Variants in FGF13 observed in about 807,000 individuals in gnomAD.
The protein encoded by FGF13 is fibroblast growth factor 13.
Under a neutral mutation model 19.5 loss-of-function variants are expected in FGF13, and 2 were observed. The observed-to-expected ratio is 0.10, with a 90% CI of 0.04 to 0.32. FGF13 has a LOEUF of 0.32. FGF13 is among the 10% of genes least tolerant of loss of function. The pLI, the probability that FGF13 is intolerant of heterozygous loss-of-function variation, is 1.00. For synonymous variants in FGF13, 72 were observed against 76.9 expected (o/e 0.94, Z 0.33); for missense variants, 113 against 192.7 (o/e 0.59, Z 2.45).
chrX:138,657,134 T>C (rs1290487610), intron 3 of FGF13, among the ~76,000 whole-genome samples: 1 of 111,638 alleles, frequency 9.0e-6, no homozygotes, highest in Non-Finnish European at 1.9e-5. Context: ...CCTTGTTCTT[T>C]AGGAATTATT....
intron 3 of FGF13, among the ~76,000 whole-genome samples, chrX:138,679,360 C>T (rs1307736192): frequency 1.8e-5 from 2 of 110,899 alleles, no homozygotes; most frequent in African/African-American, 6.6e-5. Context: ...GCTACAGGCA[C>T]GAGCCACCAC....
At chrX:138,661,565 C>T (rs941223637) in intron 3 of FGF13, among the ~76,000 whole-genome samples, 2 of 111,119 alleles carry the variant, frequency 1.8e-5, no homozygotes, top group Non-Finnish European at 3.8e-5. Context: ...CAGGAGACAC[C>T]ATGATTGTTT....
chrX:139,104,051 G>T lies in FGF13; in HGVS notation c.-113+99365C>A, dbSNP rs188105170. 3.5e-3 allele frequency among the ~76,000 whole-genome samples: 395 copies of T among 111,286 alleles called. 2 individuals carry two copies. The highest frequency in any genetic ancestry group is 0.012 in the African/African-American group (374 of 30,591). On this transcript the variant is annotated intron_variant, in intron 1 of 2. Transcript: ENST00000421460. ...TCAAGTTTCTCATCTGCAAAATGGC[G>T]GCAATGGTAGTATCTGCCTCATAGA... is the stretch of plus-strand genomic sequence containing the variant.
intron 1 of FGF13, among the ~76,000 whole-genome samples, chrX:138,928,105 G>C (rs190473594): frequency 6.0e-4 from 66 of 110,743 alleles, no homozygotes; most frequent in Non-Finnish European, 1.2e-3. Context: ...GTATAGTATT[G>C]TAATCATTTT....
intron 1 of FGF13, among the ~76,000 whole-genome samples, chrX:138,886,707 G>C (rs988173514): frequency 1.8e-5 from 2 of 111,888 alleles, no homozygotes; most frequent in Admixed American, 1.9e-4. Flanking sequence ...ATGGTTTGAG[G>C]TAAATCTGGC....
chrX:138,725,370 A>C (rs752885119), intron 1 of FGF13, among the ~76,000 whole-genome samples: 28 of 111,546 alleles, frequency 2.5e-4, no homozygotes, highest in African/African-American at 9.1e-4. Context: ...AGAAGCATGC[A>C]CATCCTTCGT....
chrX:139,067,659 C>A (rs1183350432), intron 1 of FGF13, among the ~76,000 whole-genome samples: 3 of 112,077 alleles, frequency 2.7e-5, no homozygotes, highest in Non-Finnish European at 3.8e-5. Flanking sequence ...GAAAAACATT[C>A]CATGCTCATG....
chrX:138,791,065 A>G (rs758981224), intron 3 of FGF13, among the ~76,000 whole-genome samples: 1 of 112,778 alleles, frequency 8.9e-6, no homozygotes, highest in South Asian at 3.6e-4. Context: ...TACAACTACT[A>G]TGTACAGATA....
chrX:139,009,335 C>A (rs1043784433), intron 1 of FGF13, among the ~76,000 whole-genome samples: 3 of 111,248 alleles, frequency 2.7e-5, no homozygotes, highest in African/African-American at 9.8e-5. Context: ...AAGATCATCA[C>A]CTAGGCACAC....
chrX:138,635,747 ATACT>A lies in FGF13; in HGVS notation c.403-96_403-93del, dbSNP rs756236259. 4 of 665,322 alleles carry A rather than the reference ATACT, an allele frequency of 6.0e-6. No individual in the cohort carries two copies. The South Asian group carries it at 1.1e-4, about 18-fold the overall frequency. The allele number at this position is 665,322 out of a possible 1,213,427, so 54.8% of individuals were successfully genotyped here. A position where few individuals can be genotyped will look rare whatever the true frequency, so the allele number is the denominator to read the frequency against. ...GTATTGCCTTTTAGGAGATTAAGAC[ATACT>A]TTGTAAAAGCTCGTGTGACTGGTGC... On this transcript the variant is annotated intron_variant, in intron 3 of 4. Coordinates refer to ENST00000315930, the MANE Select transcript of FGF13 (RefSeq NM_004114.5).
At chrX:138,779,903 G>A (rs866026061) in intron 3 of FGF13, among the ~76,000 whole-genome samples, 1 of 106,165 alleles carries the variant, frequency 9.4e-6, no homozygotes, top group Non-Finnish European at 1.9e-5. Flanking sequence ...AATGTTAAGG[G>A]CAACCAGAGA....
intron 3 of FGF13, among the ~76,000 whole-genome samples, chrX:138,800,874 C>A (rs1462162590): frequency 8.9e-6 from 1 of 111,939 alleles, no homozygotes; most frequent in African/African-American, 3.2e-5. Flanking sequence ...TTGATCAATT[C>A]AGCAACTGAT....
intron 1 of FGF13, among the ~76,000 whole-genome samples, chrX:138,946,491 T>C (rs1049926692): frequency 1.8e-5 from 2 of 112,298 alleles, no homozygotes; most frequent in African/African-American, 6.5e-5. Flanking sequence ...AAGGGAGTTG[T>C]TGGTGATCAA....
At position 139,050,874 on chromosome X, in the gene FGF13, T is replaced by A. The variant is rs758887599; in HGVS notation, c.-113+152542A>T. 3.6e-5 allele frequency among the ~76,000 whole-genome samples: 4 copies of A among 112,068 alleles called. No homozygotes were observed. The East Asian group carries it at 1.1e-3, about 32-fold the overall frequency. On this transcript the variant is annotated intron_variant, in intron 1 of 2. Coordinates refer to the FGF13 transcript ENST00000421460. The stretch of plus-strand genomic sequence containing the variant: ...TGTGTATAAAAAATTGACCAATACT[T>A]CATACACACTCCTCCTCTCTGGTTC...
intron 1 of FGF13, among the ~76,000 whole-genome samples, chrX:139,111,303 T>C (rs1162369845): frequency 1.8e-5 from 2 of 111,717 alleles, no homozygotes; most frequent in Non-Finnish European, 3.8e-5. Flanking sequence ...TTCGTGATCA[T>C]GTTATCAGAC....
At chrX:138,901,794 T>TA (rs952076897) in intron 1 of FGF13, among the ~76,000 whole-genome samples, 22 of 111,922 alleles carry the variant, frequency 2.0e-4, no homozygotes, top group African/African-American at 7.1e-4. Flanking sequence ...TCATTGCTTA[T>TA]AAAAACTTCA....
chrX:139,015,872 C>A (rs916893654), intron 1 of FGF13, among the ~76,000 whole-genome samples: 1 of 111,469 alleles, frequency 9.0e-6, no homozygotes, highest in Non-Finnish European at 1.9e-5. Flanking sequence ...CATAAATCAG[C>A]AGAACAGAAT....
intron 1 of FGF13, among the ~76,000 whole-genome samples, chrX:138,958,289 G>C (rs1216790939): frequency 1.8e-5 from 2 of 111,749 alleles, no homozygotes; most frequent in Non-Finnish European, 3.8e-5. Flanking sequence ...ATAATCATGT[G>C]GTTTTTGTCT....
intron 1 of FGF13, among the ~76,000 whole-genome samples, chrX:138,970,445 G>C (rs1042378901): frequency 1.1e-4 from 12 of 111,137 alleles, no homozygotes; most frequent in Non-Finnish European, 2.3e-4. Context: ...ATAGGAGGGG[G>C]AGAAAGAAGA....
Sources: gnomAD v4.1 joint callset for allele counts (sites outside exome capture counted in the v4.1 genomes callset) on GRCh38, gnomAD v4.1.1 for gene constraint, MANE v1.5 for transcripts, NCBI Gene and HGNC (gene_info 2026-07-23, HGNC 2026-07-21) for gene names.